The following PLCG2 variants were observed in gnomAD, a reference collection of about 807,000 sequenced individuals.
PLCG2 encodes 1-phosphatidylinositol 4,5-bisphosphate phosphodiesterase gamma-2.
In PLCG2, 69 loss-of-function variants were observed where a neutral mutation model predicts 175.6. That is an observed-to-expected ratio of 0.39 (90% confidence interval 0.32 to 0.48). PLCG2 has a LOEUF of 0.48. Ranked by LOEUF, PLCG2 falls within the 20% of genes least tolerant of loss-of-function variation. The pLI, the probability that PLCG2 is intolerant of heterozygous loss-of-function variation, is 0.91. For missense variants in PLCG2, 1,798 were observed against 1,650.9 expected (o/e 1.09, Z -1.54); for synonymous variants, 827 against 624.0 (o/e 1.33, Z -4.85).
chr16:81,949,368 A>C (rs1159001713), intron 31 of PLCG2, among the ~76,000 whole-genome samples: 4 of 152,214 alleles, frequency 2.6e-5, no homozygotes, highest in African/African-American at 9.6e-5. Flanking sequence ...ATAAATTTAA[A>C]AACCTGGACT....
chr16:81,803,558 C>CCT (rs1555507859), intron 2 of PLCG2, among the ~76,000 whole-genome samples: 3 of 132,472 alleles, frequency 2.3e-5, no homozygotes, highest in Non-Finnish European at 4.7e-5. Flanking sequence ...CCTTTCTTTC[C>CCT]TTCCTTTCCT....
Position 81,858,311 on chromosome 16 carries a change from TAC to T in PLCG2, c.389_390del (p.His130ProfsTer46). 6.2e-7 allele frequency: 1 copy of T among 1,614,150 alleles called. No homozygotes were observed. The highest frequency in any genetic ancestry group is 8.5e-7 in the Non-Finnish European group (1 of 1,179,960). On this transcript the variant is annotated frameshift_variant, in exon 4 of 33. Transcript: ENST00000564138. LOFTEE classifies it high-confidence loss of function. ...AACTGGCTCTCTGGCTTGAAAATCT[TAC>T]ACCAGGAAGCGATGAATGCGTCCAC...
At chr16:81,923,636 G>T (rs376878428) in intron 22 of PLCG2, 42 bp downstream of exon 22, 6 of 1,198,724 alleles carry the variant, frequency 5.0e-6, no homozygotes, top group Non-Finnish European at 7.4e-6. Context: ...AGGTGGGCTT[G>T]ACTTGTCCCT....
chr16:81,823,947 C>T (rs1904922850), intron 2 of PLCG2, among the ~76,000 whole-genome samples: 3 of 146,440 alleles, frequency 2.0e-5, no homozygotes, highest in South Asian at 4.3e-4. Flanking sequence ...TCCCTTCCTC[C>T]TTTCCCTTTC....
At chr16:81,817,820 T>C (rs1904618094) in intron 2 of PLCG2, among the ~76,000 whole-genome samples, 1 of 152,168 alleles carries the variant, frequency 6.6e-6, no homozygotes, top group South Asian at 2.1e-4. Context: ...TATTGATAAG[T>C]TATTACATGT....
At chr16:81,791,614 G>T (rs1211443482) in intron 2 of PLCG2, among the ~76,000 whole-genome samples, 1 of 152,156 alleles carries the variant, frequency 6.6e-6, no homozygotes, top group Non-Finnish European at 1.5e-5. Flanking sequence ...ACCCAGGCTG[G>T]AGTGCAATGG....
rs993811329 is a variant in PLCG2 at position 81,960,917 on chromosome 16, C to T, written c.*2919C>T. 4.4e-6 allele frequency: 1 copy of T among 229,142 alleles called. No homozygotes were observed. The highest frequency in any genetic ancestry group is 2.2e-5 in the African/African-American group (1 of 45,142). The allele number at this position is 229,142 out of a possible 1,614,324, so 14.2% of individuals were successfully genotyped here. ...ATATTCTTCTCTAAGATTCATCTGC[C>T]TGAGAAAATGCCCTTTTCTCACCTT... On this transcript the variant is annotated 3_prime_UTR_variant, in exon 33 of 33. Coordinates refer to ENST00000564138, the MANE Select transcript of PLCG2 (RefSeq NM_002661.5).
intron 23 of PLCG2, 60 bp from the exon 24 acceptor site, chr16:81,928,498 G>T: frequency 1.9e-6 from 2 of 1,074,356 alleles, no homozygotes; most frequent in South Asian, 1.2e-5. Context: ...CTTTGGAAAC[G>T]GGTTTTCTTT....
At chr16:81,875,866 A>G (rs1309372110) in intron 7 of PLCG2, among the ~76,000 whole-genome samples, 2 of 152,146 alleles carry the variant, frequency 1.3e-5, no homozygotes, top group East Asian at 1.9e-4. Context: ...GGGTGTGAGC[A>G]TGGGGGAAGT....
intron 1 of PLCG2, among the ~76,000 whole-genome samples, chr16:81,782,178 T>G (rs1490172812): frequency 6.6e-6 from 1 of 152,094 alleles, no homozygotes; most frequent in Non-Finnish European, 1.5e-5. Flanking sequence ...GCCTGGCCCA[T>G]TTTATGCCTT....
At chr16:81,855,156 C>G (rs1297841869) in intron 3 of PLCG2, among the ~76,000 whole-genome samples, 1 of 151,304 alleles carries the variant, frequency 6.6e-6, no homozygotes, top group Non-Finnish European at 1.5e-5. Context: ...TTGCATCACT[C>G]CCCTACAGTC....
At chr16:81,810,967 G>C (rs1904313515) in intron 2 of PLCG2, among the ~76,000 whole-genome samples, 1 of 152,322 alleles carries the variant, frequency 6.6e-6, no homozygotes, top group Admixed American at 6.5e-5. Context: ...AAGCAGCCCA[G>C]GGAACAGCAG....
chr16:81,921,160 A>G (rs1910043786), intron 20 of PLCG2, 38 bp from the exon 21 acceptor site: 1 of 1,271,192 alleles, frequency 7.9e-7, no homozygotes, highest in Non-Finnish European at 1.2e-6. Flanking sequence ...TTCCAGGAGC[A>G]TGGATTATTC....
chr16:81,947,684 A>T (rs1197475757), intron 31 of PLCG2, among the ~76,000 whole-genome samples: 1 of 152,240 alleles, frequency 6.6e-6, no homozygotes, highest in Non-Finnish European at 1.5e-5. Flanking sequence ...TAAGCACTTT[A>T]CACACCTTCT....
chr16:81,827,182 A>T (rs1905081269), intron 2 of PLCG2, among the ~76,000 whole-genome samples: 1 of 136,580 alleles, frequency 7.3e-6, no homozygotes, highest in African/African-American at 2.6e-5. Flanking sequence ...ATTATAGAGG[A>T]TTGCTGGGTT....
chr16:81,906,192 C>T (rs1303530176), intron 15 of PLCG2: 1 of 152,160 alleles, frequency 6.6e-6, no homozygotes, highest in Non-Finnish European at 1.5e-5. Context: ...CCACTGTGTT[C>T]ACTCAGGCTA....
intron 1 of PLCG2, among the ~76,000 whole-genome samples, chr16:81,753,130 C>G (rs756614441): frequency 4.5e-4 from 49 of 108,162 alleles, no homozygotes; most frequent in Non-Finnish European, 9.6e-4. Context: ...GCTCTGCTCC[C>G]GGCCTCGCAC....
chr16:81,785,959 G>T lies in PLCG2; in HGVS notation c.-31G>T, dbSNP rs766981162. ...CCCTTTCAGCTTCCTGATTTCTCCC[G>T]ATTCCTTCCTTCTCCCTGGAGCGGC... is the stretch of plus-strand genomic sequence containing the variant. On this transcript the variant is annotated 5_prime_UTR_variant, in exon 2 of 33. Transcript: ENST00000564138. 3.8e-6 allele frequency: 6 copies of T among 1,596,198 alleles called. No homozygotes were observed. The Admixed American group carries it at 5.1e-5, about 14-fold the overall frequency.
At position 81,919,513 on chromosome 16, in the gene PLCG2, T is replaced by C. The variant is rs1909975725; in HGVS notation, c.2084T>C (p.Ile695Thr). Reference sequence around the variant, plus strand: ...AGGGGCAAGGTAAAGCATTGTCGCATCAACCGGGACGGCCGGCACTTTGTG... The same window carrying C: ...AGGGGCAAGGTAAAGCATTGTCGCACCAACCGGGACGGCCGGCACTTTGTG... The part of the protein sequence containing the change: ...RARGKVKHCR[I>T]NRDGRHFVLG... The change falls in exon 20 of 33, where the codon ATC (isoleucine) becomes ACC (threonine). Residue 695 changes from isoleucine to threonine, a missense_variant. Coordinates refer to ENST00000564138, the MANE Select transcript of PLCG2 (RefSeq NM_002661.5). 6.2e-7 allele frequency: 1 copy of C among 1,614,150 alleles called. No homozygotes were observed. Among genetic ancestry groups the C allele is most frequent in the South Asian group, 1.1e-5 (1 of 91,074 alleles).
Sources: allele counts gnomAD v4.1 joint callset (sites outside exome capture counted in the v4.1 genomes callset), GRCh38; gene constraint gnomAD v4.1.1; transcripts MANE v1.5; gene names NCBI Gene and HGNC (gene_info 2026-07-23, HGNC 2026-07-21).